The following FAM3B variants were observed in gnomAD, a reference collection of about 807,000 sequenced individuals.
FAM3B encodes protein FAM3B.
Under a neutral mutation model 28.4 loss-of-function variants are expected in FAM3B, and 29 were observed. That is an observed-to-expected ratio of 1.02 (90% CI 0.76 to 1.39). FAM3B has a LOEUF of 1.39. FAM3B is among the 40% of genes most tolerant of loss of function. FAM3B has a pLI of 0.00. For synonymous variants in FAM3B, 91 were observed against 103.0 expected (o/e 0.88, Z 0.71); for missense variants, 266 against 293.9 (o/e 0.91, Z 0.69).
At chr21:41,311,251 A>AAATATAT (rs1555866518) in intron 1 of FAM3B, among the ~76,000 whole-genome samples, 7 of 35,062 alleles carry the variant, frequency 2.0e-4, no homozygotes, top group Non-Finnish European at 2.8e-4. Flanking sequence ...AAAAAAAAAA[A>AAATATAT]ATATATATAT....
rs1555873670 is a variant in FAM3B at position 41,356,038 on chromosome 21, CAT to C, written c.619-1068_619-1067del. Among the ~76,000 whole-genome samples, 83 of 115,314 alleles carry C rather than the reference CAT, an allele frequency of 7.2e-4. 1 individual carries two copies. The highest frequency in any genetic ancestry group is 2.7e-3 in the African/African-American group (59 of 21,858). 75.7% of individuals were successfully genotyped at this position (115,314 alleles called of 152,430 possible). A position where few individuals can be genotyped will look rare whatever the true frequency, so the allele number is the denominator to read the frequency against. The stretch of plus-strand genomic sequence containing the variant: ...ATACAAGGACTCTGGGAAAAAAATA[CAT>C]ACACACACACACACACACACACACA... On this transcript the variant is annotated intron_variant, in intron 7 of 7. Transcript: ENST00000357985.
At chr21:41,343,662 C>T (rs1004314717) in intron 3 of FAM3B, among the ~76,000 whole-genome samples, 12 of 152,192 alleles carry the variant, frequency 7.9e-5, no homozygotes, top group Non-Finnish European at 1.6e-4. Context: ...TTGATTCTGA[C>T]ACTTGACAAT....
At chr21:41,351,914 T>G (rs1354179078) in intron 7 of FAM3B, among the ~76,000 whole-genome samples, 1 of 152,230 alleles carries the variant, frequency 6.6e-6, no homozygotes, top group African/African-American at 2.4e-5. Flanking sequence ...AGATCTGGAC[T>G]TGGCCACCCC....
At chr21:41,345,649 G>T in intron 4 of FAM3B, 37 bp from the exon 5 acceptor site, 1 of 1,415,008 alleles carries the variant, frequency 7.1e-7, no homozygotes, top group South Asian at 1.4e-5. Context: ...CTAGTTCTGT[G>T]AACTTTCTTT....
At position 41,345,326 on chromosome 21, in the gene FAM3B, C is replaced by T. The variant is rs1173066251; in HGVS notation, c.347-360C>T. ...GCTCTGGTGTTTCTGTGGGATGAGG[C>T]GGGTGGGCCTGGCTGAGGGGGCTCT... On this transcript the variant is annotated intron_variant, in intron 4 of 7. Coordinates refer to ENST00000357985, the MANE Select transcript of FAM3B (RefSeq NM_058186.4). 1.8e-4 allele frequency among the ~76,000 whole-genome samples: 12 copies of T among 67,300 alleles called. No individual in the cohort carries two copies. The South Asian group carries it at 5.4e-3, about 30-fold the overall frequency. 44.2% of individuals were successfully genotyped at this position (67,300 alleles called of 152,430 possible). A position where few individuals can be genotyped will look rare whatever the true frequency, so the allele number is the denominator to read the frequency against.
chr21:41,313,800 TTTGTTG>T (rs71332324), upstream of FAM3B, among the ~76,000 whole-genome samples: 15 of 151,148 alleles, frequency 9.9e-5, no homozygotes, highest in Non-Finnish European at 1.6e-4. Flanking sequence ...GTGGGGCATT[TTTGTTG>T]TTGTTGTTGT....
chr21:41,343,364 C>T lies in FAM3B; in HGVS notation c.288-1112C>T, dbSNP rs144012744. 1.4e-3 allele frequency among the ~76,000 whole-genome samples: 217 copies of T among 152,312 alleles called. 1 individual carries two copies. Among genetic ancestry groups the T allele is most frequent in the African/African-American group, 4.9e-3 (202 of 41,560 alleles). The stretch of plus-strand genomic sequence containing the variant: ...TTATTTGGTCTCTAACGTATACAAC[C>T]AGATCTTTAACAACAACAGCAACAA... On this transcript the variant is annotated intron_variant, in intron 3 of 7. Transcript: ENST00000357985.
intron 1 of FAM3B, among the ~76,000 whole-genome samples, chr21:41,321,142 A>G (rs1339213844): frequency 6.6e-6 from 1 of 152,188 alleles, no homozygotes; most frequent in African/African-American, 2.4e-5. Flanking sequence ...TACGACCCAC[A>G]TGCACAGAAT....
At chr21:41,334,693 G>T (rs982170088) in intron 2 of FAM3B, among the ~76,000 whole-genome samples, 1 of 152,214 alleles carries the variant, frequency 6.6e-6, no homozygotes, top group Non-Finnish European at 1.5e-5. Flanking sequence ...GGGAAATGTG[G>T]GGTTTGAGCC....
At chr21:41,305,144 G>C (rs2123680890) in intron 1 of FAM3B, among the ~76,000 whole-genome samples, 1 of 152,258 alleles carries the variant, frequency 6.6e-6, no homozygotes, top group Middle Eastern at 3.4e-3. Flanking sequence ...TCATCTCCTG[G>C]AACCACACTC....
chr21:41,318,416 C>G (rs529035411), intron 1 of FAM3B, among the ~76,000 whole-genome samples: 1 of 152,148 alleles, frequency 6.6e-6, no homozygotes, highest in Non-Finnish European at 1.5e-5. Flanking sequence ...TAGTGGGTAT[C>G]GTAATACCTT....
At chr21:41,350,473 T>C (rs1232222575) in intron 7 of FAM3B, among the ~76,000 whole-genome samples, 1 of 152,180 alleles carries the variant, frequency 6.6e-6, no homozygotes, top group Non-Finnish European at 1.5e-5. Context: ...GAGAAACACA[T>C]GGATCTCAGA....
upstream of FAM3B, among the ~76,000 whole-genome samples, chr21:41,312,722 A>AGTGTGTGTGTGT (rs10580404): frequency 0.1 from 15,041 of 148,192 alleles, 783 homozygotes; most frequent in East Asian, 0.16. Context: ...TGTGTGTGAG[A>AGTGTGTGTGTGT]GTGTGTGTGT....
At chr21:41,311,251 A>AATATATATATATATATAT (rs1168140562) in intron 1 of FAM3B, among the ~76,000 whole-genome samples, 1 of 35,078 alleles carries the variant, frequency 2.9e-5, no homozygotes, top group Non-Finnish European at 4.7e-5. Flanking sequence ...AAAAAAAAAA[A>AATATATATATATATATAT]ATATATATAT....
intron 2 of FAM3B, 30 bp downstream of exon 2, chr21:41,323,096 C>T (rs2088824935): frequency 3.1e-6 from 5 of 1,597,500 alleles, no homozygotes; most frequent in Non-Finnish European, 3.4e-6. Flanking sequence ...CAGACGGCTG[C>T]CTTCATGGCT....
chr21:41,323,700 G>T (rs2088830956), intron 2 of FAM3B, among the ~76,000 whole-genome samples: 1 of 152,192 alleles, frequency 6.6e-6, no homozygotes, highest in Non-Finnish European at 1.5e-5. Context: ...CCTAGTGAGG[G>T]GAGGTGACAG....
chr21:41,344,630 A>T, intron 4 of FAM3B, 96 bp downstream of exon 4: 1 of 915,070 alleles, frequency 1.1e-6, no homozygotes, highest in Non-Finnish European at 1.8e-6. Context: ...CGCGTGATTT[A>T]GTCTAGGTTT....
At chr21:41,316,175 C>A (rs191178233), upstream of FAM3B, among the ~76,000 whole-genome samples, 6 of 152,328 alleles carry the variant, frequency 3.9e-5, no homozygotes, top group East Asian at 9.6e-4. Context: ...ATCTGCCTGA[C>A]CCCCACTCCT....
chr21:41,304,923 G>A (rs1270208795), intron 1 of FAM3B, among the ~76,000 whole-genome samples: 1 of 152,174 alleles, frequency 6.6e-6, no homozygotes, highest in Non-Finnish European at 1.5e-5. Flanking sequence ...CTGGAGTGAA[G>A]GAGGAGAATT....
Sources: gnomAD v4.1 joint callset for allele counts (sites outside exome capture counted in the v4.1 genomes callset) on GRCh38, gnomAD v4.1.1 for gene constraint, MANE v1.5 for transcripts, NCBI Gene and HGNC (gene_info 2026-07-23, HGNC 2026-07-21) for gene names.